The following POLR3A variants were observed in gnomAD, a reference collection of about 807,000 sequenced individuals.
POLR3A encodes the protein DNA-directed RNA polymerase III subunit RPC1.
In POLR3A, 112 loss-of-function variants were observed where a neutral mutation model predicts 152.8. The observed-to-expected ratio is 0.73, with a 90% CI of 0.63 to 0.86. The LOEUF (loss-of-function observed/expected upper bound fraction) is 0.86. POLR3A is among the 40% of genes least tolerant of loss of function. POLR3A has a pLI of 0.00. For missense variants in POLR3A, 1,385 were observed against 1,743.1 expected (o/e 0.79, Z 3.66); for synonymous variants, 615 against 652.1 (o/e 0.94, Z 0.87).
intron 9 of POLR3A, among the ~76,000 whole-genome samples, chr10:78,018,372 G>A (rs376137429): frequency 2.0e-5 from 3 of 151,600 alleles, no homozygotes; most frequent in East Asian, 3.9e-4. Flanking sequence ...GGTGGCGGGT[G>A]CCTGTAATCC....
chr10:78,021,816 C>T lies in POLR3A; in HGVS notation c.1048+44G>A, dbSNP rs200939269. On this transcript the variant is annotated intron_variant, in intron 7 of 30. Transcript: ENST00000372371. ...GGACAGACACTCCTGAAAAAGGAAC[C>T]AAAGAGAGTGGGCTGGCTTCTGCAC... is the stretch of plus-strand genomic sequence containing the variant. 1.9e-6 allele frequency: 3 copies of T among 1,612,332 alleles called. No homozygotes were observed. The South Asian group carries it at 3.3e-5, about 18-fold the overall frequency.
intron 1 of POLR3A, among the ~76,000 whole-genome samples, chr10:78,029,140 C>G (rs886916809): frequency 4.6e-5 from 7 of 152,286 alleles, no homozygotes; most frequent in Admixed American, 4.6e-4. Context: ...GCCACTCCGA[C>G]TTCTCCGCCC....
At chr10:78,028,820 G>T (rs546326782) in intron 1 of POLR3A, among the ~76,000 whole-genome samples, 1 of 152,030 alleles carries the variant, frequency 6.6e-6, no homozygotes, top group South Asian at 2.1e-4. Flanking sequence ...CTTTCTTACC[G>T]AGAACTCTAA....
intron 1 of POLR3A, among the ~76,000 whole-genome samples, chr10:78,028,699 CG>C (rs1321324396): frequency 6.6e-6 from 1 of 151,924 alleles, no homozygotes; most frequent in African/African-American, 2.4e-5. Flanking sequence ...GACGGGGTTT[CG>C]CCACGTTGCC....
Position 78,004,882 on chromosome 10 carries a change from C to T in POLR3A, c.2081G>A (p.Arg694His), listed in dbSNP as rs376405070. The T allele has an allele frequency of 1.7e-5, 27 of 1,613,876 alleles. No individual in the cohort carries two copies. Among genetic ancestry groups the T allele is most frequent in the Non-Finnish European group, 2.0e-5 (24 of 1,179,920 alleles). Reference sequence around the variant, plus strand: ...ATCACCGATCCCAATTGAGAAACCACGGTTAGCTGTTGAGTTGGTAGAGCA... The same window carrying T: ...ATCACCGATCCCAATTGAGAAACCATGGTTAGCTGTTGAGTTGGTAGAGCA... ...ARLAPVYLSNRGFSIGIGDVT... is the reference protein window; with the variant it reads ...ARLAPVYLSNHGFSIGIGDVT... Residue 694 changes from arginine to histidine, a missense_variant, in exon 16 of 31, where the codon CGT (arginine) becomes CAT (histidine). Physicochemically the swap from Arg to His is conservative, Grantham distance 29 (BLOSUM62 0). Transcript: ENST00000372371.
intron 19 of POLR3A, among the ~76,000 whole-genome samples, chr10:77,995,462 GA>G (rs1453131235): frequency 6.6e-6 from 1 of 152,186 alleles, no homozygotes; most frequent in African/African-American, 2.4e-5. Flanking sequence ...AGGGATGGAG[GA>G]AGATCTACTA....
Position 78,010,462 on chromosome 10 carries a change from C to G in POLR3A, c.1642+9G>C, listed in dbSNP as rs763849177. 2.5e-6 allele frequency: 4 copies of G among 1,606,432 alleles called. No individual in the cohort carries two copies. The Admixed American group carries it at 6.7e-5, about 27-fold the overall frequency. On this transcript the variant is annotated intron_variant, in intron 12 of 30. Transcript: ENST00000372371. ...GAAATCTCCTTTCAAGTGAACTTCA[C>G]CAACCTACCTGTTAGAAAATCCTGA... is the stretch of plus-strand genomic sequence containing the variant.
chr10:78,011,490 A>G (rs1015605051), intron 11 of POLR3A, among the ~76,000 whole-genome samples: 1 of 152,212 alleles, frequency 6.6e-6, no homozygotes, highest in Non-Finnish European at 1.5e-5. Context: ...CTTTTCACCC[A>G]GAAAGCAGGG....
intron 14 of POLR3A, 94 bp downstream of exon 14, chr10:78,009,443 G>T: frequency 6.5e-7 from 1 of 1,543,866 alleles, no homozygotes; most frequent in Non-Finnish European, 9.0e-7. Context: ...CAATGAATTT[G>T]CTTGCTTCGC....
intron 20 of POLR3A, among the ~76,000 whole-genome samples, chr10:77,992,379 C>T (rs1435607817): frequency 2.0e-5 from 3 of 151,390 alleles, no homozygotes; most frequent in Non-Finnish European, 2.9e-5. Context: ...AAGGATTCAC[C>T]TGCCCCAGCC....
Position 78,029,506 on chromosome 10 carries a change from A to C in POLR3A, c.-99T>G. The stretch of plus-strand genomic sequence containing the variant: ...GGGGCTGCTTCTGGACTCGCCGCTA[A>C]CACATCTGCGGCATCCTCTCGGCCA... On this transcript the variant is annotated 5_prime_UTR_variant, in exon 1 of 31. Transcript: ENST00000372371. 1 of 1,232,738 alleles carries C rather than the reference A, an allele frequency of 8.1e-7. No individual in the cohort carries two copies. Among genetic ancestry groups the C allele is most frequent in the Non-Finnish European group, 1.2e-6 (1 of 845,312 alleles). 76.4% of individuals were successfully genotyped at this position (1,232,738 alleles called of 1,614,324 possible).
At position 77,985,191 on chromosome 10, in the gene POLR3A, A is replaced by G. The variant is rs754973126; in HGVS notation, c.3221T>C (p.Ile1074Thr). The change falls in exon 24 of 31, where the codon ATC (isoleucine) becomes ACC (threonine). Residue 1074 changes from isoleucine to threonine, a missense_variant. Around this residue, in one of 7 missense-constraint regions of POLR3A, gnomAD observed 22 missense variants for 59.7 expected, o/e 0.37. Transcript: ENST00000372371. ...GCACCTGATGGCCTTGGAAGCGTTG[A>G]TGATCTCTTTAATCCGGGGCACGCC... ...TLGVPRIKEI[I>T]NASKAISTPI... 124 of 1,614,026 alleles carry G rather than the reference A, an allele frequency of 7.7e-5. No homozygotes were observed. Among genetic ancestry groups the G allele is most frequent in the Admixed American group, 3.8e-4 (23 of 60,004 alleles).
chr10:77,994,324 T>C (rs1435217880), intron 19 of POLR3A, among the ~76,000 whole-genome samples: 1 of 152,126 alleles, frequency 6.6e-6, no homozygotes, highest in East Asian at 1.9e-4. Context: ...AATCACAGTG[T>C]TTGTTCTGGC....
intron 19 of POLR3A, among the ~76,000 whole-genome samples, chr10:77,994,897 A>C (rs1286725846): frequency 2.0e-5 from 3 of 152,210 alleles, no homozygotes; most frequent in Non-Finnish European, 4.4e-5. Context: ...AAAAATGTTA[A>C]GGGCAGCCAG....
intron 17 of POLR3A, 76 bp from the exon 18 acceptor site, chr10:78,001,170 T>C: frequency 2.5e-6 from 2 of 801,396 alleles, no homozygotes; most frequent in Non-Finnish European, 4.4e-6. Context: ...ATTGGAAGGG[T>C]AAAACAGGAA....
chr10:77,996,377 G>A (rs1847300638), intron 19 of POLR3A, among the ~76,000 whole-genome samples: 1 of 152,102 alleles, frequency 6.6e-6, no homozygotes, highest in Admixed American at 6.6e-5. Flanking sequence ...CCAGGAGCTG[G>A]TTTTTTGAAA....
intron 17 of POLR3A, 101 bp downstream of exon 17, chr10:78,002,091 TAAATA>T (rs1348299856): frequency 6.0e-6 from 4 of 671,736 alleles, no homozygotes; most frequent in Non-Finnish European, 1.0e-5. Flanking sequence ...AAAGATCCCT[TAAATA>T]AATGAAATGT....
chr10:78,026,112 C>T lies in POLR3A; in HGVS notation c.162G>A (p.Gly54=). ...GCCTTACCATCCTATGGTCGAGCAC[C>T]CCATATAGCAAGGGGGCATGTTGGT... is the stretch of plus-strand genomic sequence containing the variant. ...QDNQHAPLLY[G]VLDHRMGTSE... Residue 54 remains glycine, a synonymous_variant, in exon 2 of 31, where the codon GGG becomes GGA. Transcript: ENST00000372371. 1 of 1,614,160 alleles carries T rather than the reference C, an allele frequency of 6.2e-7. No individual in the cohort carries two copies. The highest frequency in any genetic ancestry group is 8.5e-7 in the Non-Finnish European group (1 of 1,180,014).
intron 19 of POLR3A, among the ~76,000 whole-genome samples, chr10:77,996,767 A>C (rs1313159427): frequency 1.3e-5 from 2 of 152,188 alleles, no homozygotes; most frequent in African/African-American, 4.8e-5. Context: ...TTCTGAAACT[A>C]CTCCAATCAA....
Sources: gnomAD v4.1 joint callset for allele counts (sites outside exome capture counted in the v4.1 genomes callset) on GRCh38, gnomAD v4.1.1 for gene constraint, gnomAD v4.1.1 regional missense constraint, MANE v1.5 for transcripts, NCBI Gene and HGNC (gene_info 2026-07-23, HGNC 2026-07-21) for gene names.